TANC1: variants seen among roughly 807,000 people sequenced by gnomAD.
The protein encoded by TANC1 is tetratricopeptide repeat, ankyrin repeat and coiled-coil containing 1, also known as protein TANC1.
TANC1 carries 77 observed loss-of-function variants against 149.7 expected under a neutral mutation model. The ratio of observed to expected loss-of-function variants is 0.51; its 90% CI spans 0.43 to 0.62. TANC1 has a LOEUF of 0.62. TANC1 is among the 20% of genes least tolerant of loss of function. The probability of loss-of-function intolerance (pLI) is 0.00; values close to 1 mark genes in which losing one functional copy is unlikely to be tolerated. For missense variants in TANC1, 1,985 were observed against 2,321.8 expected (o/e 0.85, Z 2.98); for synonymous variants, 854 against 925.0 (o/e 0.92, Z 1.39).
At chr2:159,027,398 C>T (rs1450444423) in intron 2 of TANC1, among the ~76,000 whole-genome samples, 2 of 152,212 alleles carry the variant, frequency 1.3e-5, no homozygotes, top group Non-Finnish European at 2.9e-5. Context: ...AAGCTTGTTG[C>T]TACTTTGTGA....
chr2:159,129,891 G>A (rs2049898080), intron 4 of TANC1, among the ~76,000 whole-genome samples: 2 of 152,190 alleles, frequency 1.3e-5, no homozygotes, highest in South Asian at 2.1e-4. Context: ...GACTGGAGTG[G>A]GTGGTAAACA....
chr2:159,196,792 C>G lies in TANC1; in HGVS notation c.3164C>G (p.Ser1055Trp). 1 of 1,609,428 alleles carries G rather than the reference C, an allele frequency of 6.2e-7. No individual in the cohort carries two copies. The highest frequency in any genetic ancestry group is 8.5e-7 in the Non-Finnish European group (1 of 1,178,930). The stretch of plus-strand genomic sequence containing the variant: ...GCGGCGGCCAGCATGGGCCACAGCT[C>G]GGTGAGTGGGGCAGGGGTTTCCCTC... The part of the protein sequence containing the change: ...LTAAASMGHS[S>W]VVQCLLGMEK... The change falls in exon 18 of 27, where the codon TCG becomes TGG. Residue 1055 changes from serine (S) to tryptophan (W), a missense_variant and splice_region_variant. Coordinates refer to ENST00000263635, the MANE Select transcript of TANC1 (RefSeq NM_033394.3).
At position 159,160,787 on chromosome 2, in the gene TANC1, G is replaced by T. The variant is rs192014161; in HGVS notation, c.683-2496G>T. On this transcript the variant is annotated intron_variant, in intron 7 of 26. Coordinates refer to ENST00000263635, the MANE Select transcript of TANC1 (RefSeq NM_033394.3). ...CTCTCACAGGAACTTTGTGAGGGCAGCAGAAGGGCTGCCTCTTCTTCCTCA... is the reference window on the plus strand; with the variant it reads ...CTCTCACAGGAACTTTGTGAGGGCATCAGAAGGGCTGCCTCTTCTTCCTCA... Among the ~76,000 whole-genome samples, 313 of 152,326 alleles carry T rather than the reference G, an allele frequency of 2.1e-3. 1 individual carries two copies. The highest frequency in any genetic ancestry group is 4.6e-3 in the South Asian group (22 of 4,828).
intron 3 of TANC1, among the ~76,000 whole-genome samples, chr2:159,077,315 A>G (rs1253465556): frequency 6.6e-6 from 1 of 152,216 alleles, no homozygotes; most frequent in Non-Finnish European, 1.5e-5. Context: ...ATCCTATTCT[A>G]AAATCACTTG....
chr2:159,219,412 C>G, intron 21 of TANC1, 51 bp downstream of exon 21: 2 of 1,610,454 alleles, frequency 1.2e-6, no homozygotes, highest in Non-Finnish European at 1.7e-6. Context: ...ACAGAGAGAA[C>G]TTCAGCAGAC....
chr2:159,206,033 T>C (rs1221734617), intron 19 of TANC1, among the ~76,000 whole-genome samples: 1 of 152,040 alleles, frequency 6.6e-6, no homozygotes, highest in African/African-American at 2.4e-5. Context: ...GTGTTTGTTC[T>C]AAGAAGGTTC....
chr2:159,058,683 TGAAG>T (rs2042024010), intron 2 of TANC1, among the ~76,000 whole-genome samples: 1 of 152,240 alleles, frequency 6.6e-6, no homozygotes. Context: ...TACAGGTATA[TGAAG>T]ATGGCTCTTG....
At chr2:159,145,179 A>G (rs1325520401) in intron 5 of TANC1, among the ~76,000 whole-genome samples, 1 of 152,230 alleles carries the variant, frequency 6.6e-6, no homozygotes, top group East Asian at 1.9e-4. Flanking sequence ...GTAAGCAGAA[A>G]AAGGAAGGGG....
chr2:159,038,206 A>G (rs2040354632), intron 2 of TANC1, among the ~76,000 whole-genome samples: 1 of 152,130 alleles, frequency 6.6e-6, no homozygotes, highest in Admixed American at 6.5e-5. Flanking sequence ...TTGATTTTGT[A>G]TCCTGAAACT....
chr2:159,038,068 C>G (rs1304972312), intron 2 of TANC1, among the ~76,000 whole-genome samples: 1 of 152,174 alleles, frequency 6.6e-6, no homozygotes, highest in African/African-American at 2.4e-5. Context: ...AGAAGTCCTT[C>G]ACATCCCTTG....
At chr2:159,040,348 G>C (rs1034425620) in intron 2 of TANC1, among the ~76,000 whole-genome samples, 1 of 152,180 alleles carries the variant, frequency 6.6e-6, no homozygotes, top group African/African-American at 2.4e-5. Flanking sequence ...ATATCCTGAA[G>C]AGTGTTTTTC....
At chr2:159,219,630 ATT>A in intron 21 of TANC1, 60 bp from the exon 22 acceptor site, 4 of 1,601,928 alleles carry the variant, frequency 2.5e-6, no homozygotes, top group Non-Finnish European at 3.4e-6. Context: ...GTGTGAAACA[ATT>A]TGCTTTCTGG....
chr2:159,215,184 G>A (rs1175894863), intron 19 of TANC1, among the ~76,000 whole-genome samples: 1 of 152,178 alleles, frequency 6.6e-6, no homozygotes, highest in East Asian at 1.9e-4. Flanking sequence ...GACCAGGACT[G>A]CCTGCTGCCC....
intron 16 of TANC1, among the ~76,000 whole-genome samples, chr2:159,190,190 A>T (rs1278234433): frequency 1.3e-5 from 2 of 152,164 alleles, no homozygotes; most frequent in South Asian, 2.1e-4. Context: ...AATTTTCTGA[A>T]AATCACACAG....
intron 3 of TANC1, among the ~76,000 whole-genome samples, chr2:159,096,555 A>AG (rs2046161231): frequency 6.6e-6 from 1 of 152,136 alleles, no homozygotes; most frequent in Non-Finnish European, 1.5e-5. Flanking sequence ...TGGACAGGGG[A>AG]GGGGCAGGAG....
At chr2:159,027,266 A>G (rs2149460810) in intron 2 of TANC1, 1 of 152,314 alleles carries the variant, frequency 6.6e-6, no homozygotes, top group South Asian at 2.1e-4. Context: ...AATGTGGTCA[A>G]AAGTAACCAT....
chr2:158,997,366 A>G (rs2036227252), intron 1 of TANC1, among the ~76,000 whole-genome samples: 1 of 152,236 alleles, frequency 6.6e-6, no homozygotes, highest in Admixed American at 6.5e-5. Flanking sequence ...AGAAACCTCA[A>G]TGTGAACTTA....
intron 4 of TANC1, among the ~76,000 whole-genome samples, chr2:159,114,712 G>A (rs560765360): frequency 6.6e-6 from 1 of 152,234 alleles, no homozygotes; most frequent in South Asian, 2.1e-4. Context: ...GAAATTATTA[G>A]TTTGTGTGCC....
chr2:159,157,548 C>T (rs1340939015), intron 7 of TANC1, among the ~76,000 whole-genome samples: 2 of 152,206 alleles, frequency 1.3e-5, no homozygotes, highest in Admixed American at 1.3e-4. Context: ...GCGCGCGTTG[C>T]CTTGACTTGT....
Sources: gnomAD v4.1 joint callset for allele counts (sites outside exome capture counted in the v4.1 genomes callset) on GRCh38, gnomAD v4.1.1 for gene constraint, MANE v1.5 for transcripts, NCBI Gene and HGNC (gene_info 2026-07-23, HGNC 2026-07-21) for gene names.